The following ASTN2 variants were observed in gnomAD, a reference collection of about 807,000 sequenced individuals.
The protein encoded by ASTN2 is astrotactin-2.
A neutral mutation model predicts 139.8 loss-of-function variants in ASTN2; 54 were observed. The ratio of observed to expected loss-of-function variants is 0.39; its 90% confidence interval spans 0.31 to 0.48. The LOEUF (loss-of-function observed/expected upper bound fraction) is 0.48, where lower values mean the gene tolerates loss of function less well. Ranked by LOEUF, ASTN2 falls within the 20% of genes least tolerant of loss-of-function variation. The pLI is 0.95. For synonymous variants in ASTN2, 756 were observed against 719.5 expected, an observed-to-expected ratio of 1.05 and a Z score of -0.81; for missense variants, 1,565 against 1,725.1, an observed-to-expected ratio of 0.91 and a Z score of 1.64.
chr9:116,920,440 G>C (rs1248456874), intron 10 of ASTN2, among the ~76,000 whole-genome samples: 1 of 152,146 alleles, frequency 6.6e-6, no homozygotes, highest in South Asian at 2.1e-4. Flanking sequence ...TGAAGAATGG[G>C]GGCAACCAAC....
At chr9:117,036,530 C>T (rs551994251) in intron 6 of ASTN2, among the ~76,000 whole-genome samples, 39 of 152,216 alleles carry the variant, frequency 2.6e-4, no homozygotes, top group Admixed American at 6.5e-4. Flanking sequence ...TTAACCAATC[C>T]AGAACCTACA....
intron 5 of ASTN2, among the ~76,000 whole-genome samples, chr9:117,080,967 G>A (rs1828412102): frequency 6.6e-6 from 1 of 152,168 alleles, no homozygotes; most frequent in African/African-American, 2.4e-5. Context: ...AATGGATAGA[G>A]AGCCAAGGGG....
chr9:116,496,048 T>A (rs1849659774), intron 19 of ASTN2, among the ~76,000 whole-genome samples: 4 of 152,146 alleles, frequency 2.6e-5, no homozygotes, highest in Admixed American at 2.6e-4. Context: ...CTTTCCCAAA[T>A]CCTTGCTCAA....
chr9:116,854,557 G>A (rs1452754387), intron 11 of ASTN2, among the ~76,000 whole-genome samples: 1 of 152,102 alleles, frequency 6.6e-6, no homozygotes, highest in Non-Finnish European at 1.5e-5. Flanking sequence ...GATGGTAGTG[G>A]GAGCAGTGAT....
chr9:116,728,564 A>G (rs1393304765), intron 15 of ASTN2, among the ~76,000 whole-genome samples: 5 of 152,142 alleles, frequency 3.3e-5, no homozygotes. Context: ...AGATTTTTGT[A>G]TCGGAGATGG....
intron 19 of ASTN2, among the ~76,000 whole-genome samples, chr9:116,530,957 A>T (rs1026063738): frequency 6.6e-6 from 1 of 152,186 alleles, no homozygotes; most frequent in African/African-American, 2.4e-5. Flanking sequence ...CTAAATACAT[A>T]TTTATTAAAT....
chr9:116,437,655 T>A (rs750090951), intron 22 of ASTN2: 3 of 463,930 alleles, frequency 6.5e-6, no homozygotes, highest in Non-Finnish European at 8.9e-6. Flanking sequence ...CTGAGCCCTG[T>A]GGGAAAGCCC....
At chr9:117,283,510 A>G (rs527333672) in intron 2 of ASTN2, among the ~76,000 whole-genome samples, 59 of 152,376 alleles carry the variant, frequency 3.9e-4, no homozygotes, top group Non-Finnish European at 7.5e-4. Flanking sequence ...AAACTTCATC[A>G]TACCTTGGCA....
chr9:116,770,853 G>A (rs912583867), intron 13 of ASTN2, among the ~76,000 whole-genome samples: 1 of 152,122 alleles, frequency 6.6e-6, no homozygotes, highest in Non-Finnish European at 1.5e-5. Flanking sequence ...ACCTTCACAT[G>A]TTTTAATCTA....
chr9:116,479,907 C>T (rs1849111894), intron 20 of ASTN2, among the ~76,000 whole-genome samples: 1 of 152,152 alleles, frequency 6.6e-6, no homozygotes, highest in Admixed American at 6.5e-5. Flanking sequence ...TGGAGATAAA[C>T]TGGTTGGAAA....
intron 10 of ASTN2, among the ~76,000 whole-genome samples, chr9:116,963,547 GCA>G (rs1274446876): frequency 6.6e-6 from 1 of 152,198 alleles, no homozygotes; most frequent in Non-Finnish European, 1.5e-5. Flanking sequence ...TTGGGGATGT[GCA>G]CAGAGTGTGG....
intron 13 of ASTN2, among the ~76,000 whole-genome samples, chr9:116,799,899 G>A (rs974216692): frequency 6.6e-6 from 1 of 152,118 alleles, no homozygotes; most frequent in African/African-American, 2.4e-5. Context: ...AACAAAGCTT[G>A]ACATCACTTA....
chr9:117,156,877 A>G (rs1429228259), intron 3 of ASTN2, among the ~76,000 whole-genome samples: 2 of 151,990 alleles, frequency 1.3e-5, no homozygotes, highest in African/African-American at 2.4e-5. Flanking sequence ...TCTTAATTTG[A>G]AATGTCTTCT....
chr9:116,893,718 C>T (rs1460445909), intron 10 of ASTN2, among the ~76,000 whole-genome samples: 1 of 152,076 alleles, frequency 6.6e-6, no homozygotes, highest in Non-Finnish European at 1.5e-5. Context: ...CTCTTCCCTC[C>T]TCACCTTAGT....
At chr9:116,661,926 T>C (rs1411661257) in intron 16 of ASTN2, among the ~76,000 whole-genome samples, 3 of 151,534 alleles carry the variant, frequency 2.0e-5, no homozygotes, top group Non-Finnish European at 2.9e-5. Flanking sequence ...GATGAGTTAA[T>C]GGGTGCAGCA....
chr9:116,939,064 G>A (rs1386844631), intron 10 of ASTN2, among the ~76,000 whole-genome samples: 3 of 152,168 alleles, frequency 2.0e-5, no homozygotes, highest in African/African-American at 4.8e-5. Context: ...TGGAGAACAC[G>A]GTGGTAATCA....
chr9:116,705,499 G>C (rs1224627884), intron 16 of ASTN2, among the ~76,000 whole-genome samples: 2 of 152,142 alleles, frequency 1.3e-5, no homozygotes, highest in African/African-American at 4.8e-5. Context: ...GGATTTTCTT[G>C]TGGTGATTTA....
At chr9:116,999,559 T>C (rs1326098413) in intron 7 of ASTN2, among the ~76,000 whole-genome samples, 20 of 67,092 alleles carry the variant, frequency 3.0e-4, no homozygotes, top group African/African-American at 7.4e-4. Flanking sequence ...TTTTTTTTTT[T>C]TTTTTTTTTT....
chr9:117,189,258 T>C (rs1831286568), intron 3 of ASTN2, among the ~76,000 whole-genome samples: 1 of 152,186 alleles, frequency 6.6e-6, no homozygotes, highest in Admixed American at 6.5e-5. Flanking sequence ...CAGGGATATA[T>C]TCATTTGCCC....
Sources: gnomAD v4.1 joint callset for allele counts (sites outside exome capture counted in the v4.1 genomes callset) on GRCh38, gnomAD v4.1.1 for gene constraint, MANE v1.5 for transcripts, NCBI Gene and HGNC (gene_info 2026-07-23, HGNC 2026-07-21) for gene names.